The following ASAP2 variants were observed in gnomAD, a reference collection of about 807,000 sequenced individuals.
ASAP2 encodes the protein ArfGAP with SH3 domain, ankyrin repeat and PH domain 2.
A neutral mutation model predicts 131.4 loss-of-function variants in ASAP2; 45 were observed. That is an observed-to-expected ratio of 0.34 (90% confidence interval 0.27 to 0.44). The LOEUF (loss-of-function observed/expected upper bound fraction) is 0.44. Ranked by LOEUF, ASAP2 falls within the 20% of genes least tolerant of loss-of-function variation. The probability of loss-of-function intolerance (pLI) is 1.00; values close to 1 mark genes in which losing one functional copy is unlikely to be tolerated. For synonymous variants in ASAP2, 510 were observed against 503.0 expected (o/e 1.01, Z -0.19); for missense variants, 1,011 against 1,297.0 (o/e 0.78, Z 3.39).
chr2:9,208,070 G>C (rs1661262436), intron 1 of ASAP2, among the ~76,000 whole-genome samples: 1 of 152,196 alleles, frequency 6.6e-6, no homozygotes, highest in Non-Finnish European at 1.5e-5. Context: ...GTGAGTCCAG[G>C]GGCCACCGTT....
At chr2:9,246,454 T>C (rs1664346894) in intron 1 of ASAP2, among the ~76,000 whole-genome samples, 1 of 152,114 alleles carries the variant, frequency 6.6e-6, no homozygotes. Flanking sequence ...GCCTGGCTAA[T>C]TTTTTAAAAC....
rs1345677805 is a variant in ASAP2, at chr2:9,376,985, TCAGAACAG to T, written c.1825_1832del (p.Gln609TrpfsTer5). ...CTCTTCACATTGTAGACTTTTTAGT[TCAGAACAG>T]GTAGGTGTTCTGAAATTAAGGGAGG... On this transcript the variant is annotated frameshift_variant and splice_region_variant, in exon 18 of 28. Transcript: ENST00000281419. LOFTEE classifies it high-confidence loss of function. The T allele has an allele frequency of 6.2e-7, 1 of 1,613,494 alleles. No homozygotes were observed. The highest frequency in any genetic ancestry group is 8.5e-7 in the Non-Finnish European group (1 of 1,179,466).
Position 9,344,596 on chromosome 2 carries a change from G to A in ASAP2, c.914G>A (p.Gly305Glu). 1.2e-6 allele frequency: 2 copies of A among 1,614,154 alleles called. No homozygotes were observed. The highest frequency in any genetic ancestry group is 1.7e-6 in the Non-Finnish European group (2 of 1,180,022). Residue 305 changes from glycine to glutamate, a missense_variant, in exon 10 of 28, where the codon GGG becomes GAG. This residue lies in a region of ASAP2 where 359 missense variants were observed against 598.1 expected (regional missense o/e 0.60). Coordinates refer to ENST00000281419, the MANE Select transcript of ASAP2 (RefSeq NM_003887.3). ...CAGCCTCAGGGAAACAAGGAACATG[G>A]GACCGAGCGGAACGGCAGCCTCTAC... ...LHQPQGNKEH[G>E]TERNGSLYKK...
intron 3 of ASAP2, among the ~76,000 whole-genome samples, chr2:9,310,887 C>T (rs1321946592): frequency 6.6e-6 from 1 of 152,228 alleles, no homozygotes; most frequent in Admixed American, 6.5e-5. Flanking sequence ...TCTTTGTTTG[C>T]TCATCAGCTG....
chr2:9,270,874 G>C (rs867591610), intron 1 of ASAP2, among the ~76,000 whole-genome samples: 160 of 134,352 alleles, frequency 1.2e-3, no homozygotes, highest in African/African-American at 4.5e-3. Flanking sequence ...CTCACTGCAA[G>C]CCCCGCCTCC....
At chr2:9,208,052 C>A (rs1661260095) in intron 1 of ASAP2, among the ~76,000 whole-genome samples, 1 of 152,198 alleles carries the variant, frequency 6.6e-6, no homozygotes. Flanking sequence ...GGGAAAGGGG[C>A]AGAGTCTGTG....
At chr2:9,318,107 G>A (rs1669920074) in intron 3 of ASAP2, among the ~76,000 whole-genome samples, 1 of 152,176 alleles carries the variant, frequency 6.6e-6, no homozygotes, top group South Asian at 2.1e-4. Context: ...GGAGACTGGG[G>A]CCTGGGGCCC....
At chr2:9,316,472 C>G (rs1572430061) in intron 3 of ASAP2, among the ~76,000 whole-genome samples, 1 of 152,180 alleles carries the variant, frequency 6.6e-6, no homozygotes, top group Non-Finnish European at 1.5e-5. Flanking sequence ...AGTCCCTCTT[C>G]TCGTCCTTCT....
Position 9,390,910 on chromosome 2 carries a change from G to T in ASAP2, c.2384-152G>T, listed in dbSNP as rs772135012. The stretch of plus-strand genomic sequence containing the variant: ...TCTATCTTCCACATGCCGGAGACAG[G>T]AGTAAAAGCATTGAGGGTTCTAGGT... On this transcript the variant is annotated intron_variant, in intron 22 of 27. Transcript: ENST00000281419. 2.6e-4 allele frequency: 294 copies of T among 1,121,110 alleles called. 1 individual carries two copies. The highest frequency in any genetic ancestry group is 5.1e-4 in the Admixed American group (23 of 45,316). The allele number at this position is 1,121,110 out of a possible 1,614,324, so 69.4% of individuals were successfully genotyped here.
intron 1 of ASAP2, among the ~76,000 whole-genome samples, chr2:9,278,485 C>G (rs1461249774): frequency 2.0e-5 from 3 of 149,916 alleles, no homozygotes. Context: ...TGCACTCTAG[C>G]CTGGGTGACA....
At chr2:9,273,926 A>T (rs1666578781) in intron 1 of ASAP2, among the ~76,000 whole-genome samples, 1 of 152,192 alleles carries the variant, frequency 6.6e-6, no homozygotes. Context: ...AGGCAGGAAG[A>T]GGGGTTTATT....
At position 9,391,341 on chromosome 2, in the gene ASAP2, G is replaced by A. The variant is rs189234820; in HGVS notation, c.2518+145G>A. 172 of 1,194,704 alleles carry A rather than the reference G, an allele frequency of 1.4e-4. No individual in the cohort carries two copies. In the African/African-American group the frequency reaches 2.5e-3, roughly 17 times the overall value. 74.0% of individuals were successfully genotyped at this position (1,194,704 alleles called of 1,614,324 possible). Reference sequence around the variant, plus strand: ...TGGCTCCCTGTGGCTCTTGTGCAGGGCTCTCAGCTCCCCCAGCCTCCTTCG... The same window carrying A: ...TGGCTCCCTGTGGCTCTTGTGCAGGACTCTCAGCTCCCCCAGCCTCCTTCG... On this transcript the variant is annotated intron_variant, in intron 23 of 27. Transcript: ENST00000281419.
chr2:9,270,784 C>CCT (rs1666294703), intron 1 of ASAP2, among the ~76,000 whole-genome samples: 1 of 69,738 alleles, frequency 1.4e-5, no homozygotes, highest in African/African-American at 5.1e-5. Flanking sequence ...CAATTGTTTT[C>CCT]ATTTTTTTTT....
chr2:9,251,618 A>T (rs1664713468), intron 1 of ASAP2, among the ~76,000 whole-genome samples: 2 of 152,142 alleles, frequency 1.3e-5, no homozygotes, highest in African/African-American at 4.8e-5. Context: ...TTGGGGACTC[A>T]GTGACCCTTG....
chr2:9,404,555 T>C lies in ASAP2; in HGVS notation c.*1228T>C, dbSNP rs1431703115. 1.3e-5 allele frequency: 2 copies of C among 152,430 alleles called. No homozygotes were observed. The highest frequency in any genetic ancestry group is 4.8e-5 in the African/African-American group (2 of 41,440). The allele number at this position is 152,430 out of a possible 1,614,324, so 9.4% of individuals were successfully genotyped here. A position where few individuals can be genotyped will look rare whatever the true frequency, so the allele number is the denominator to read the frequency against. ...GAGGGTAAGATTCATAGTAGGAATATTGGAAATTTTGGCACTCTGAGAATA... is the reference window on the plus strand; with the variant it reads ...GAGGGTAAGATTCATAGTAGGAATACTGGAAATTTTGGCACTCTGAGAATA... On this transcript the variant is annotated 3_prime_UTR_variant, in exon 28 of 28. Transcript: ENST00000281419.
chr2:9,349,307 C>CCT (rs1672179743), intron 11 of ASAP2, among the ~76,000 whole-genome samples: 10 of 152,136 alleles, frequency 6.6e-5, no homozygotes, highest in Non-Finnish European at 1.3e-4. Flanking sequence ...CTAAAATTTG[C>CCT]ACGTGTACAG....
rs748956901 is a variant in ASAP2 at position 9,302,144 on chromosome 2, AAC to A, written c.345+4703_345+4704del. Among the ~76,000 whole-genome samples the A allele has an allele frequency of 1.2e-4, 14 of 118,992 alleles. No individual in the cohort carries two copies. In the East Asian group the frequency reaches 2.5e-3, roughly 21 times the overall value. 78.1% of individuals were successfully genotyped at this position (118,992 alleles called of 152,430 possible). A position where few individuals can be genotyped will look rare whatever the true frequency, so the allele number is the denominator to read the frequency against. The stretch of plus-strand genomic sequence containing the variant: ...GGCCTTTTTTTTTTTTTTTTTCCCA[AAC>A]ACAGATGATGTGAGTTAGAAGCCTT... On this transcript the variant is annotated intron_variant, in intron 3 of 27. Transcript: ENST00000281419.
intron 2 of ASAP2, among the ~76,000 whole-genome samples, chr2:9,296,890 G>T (rs1668185797): frequency 6.6e-6 from 1 of 152,196 alleles, no homozygotes; most frequent in African/African-American, 2.4e-5. Flanking sequence ...GCTGTGTGGG[G>T]CTCTGAATCA....
At chr2:9,329,707 C>T (rs1228292310) in intron 7 of ASAP2, among the ~76,000 whole-genome samples, 3 of 152,200 alleles carry the variant, frequency 2.0e-5, no homozygotes, top group African/African-American at 7.2e-5. Context: ...AAGGTGTGGA[C>T]TGACAAGAAA....
Sources: allele counts gnomAD v4.1 joint callset (sites outside exome capture counted in the v4.1 genomes callset), GRCh38; gene constraint gnomAD v4.1.1; regional missense constraint gnomAD v4.1.1; transcripts MANE v1.5; gene names NCBI Gene and HGNC (gene_info 2026-07-23, HGNC 2026-07-21).